PPM1E: variants seen among roughly 807,000 people sequenced by gnomAD.
The protein encoded by PPM1E is protein phosphatase, Mg2+/Mn2+ dependent 1E.
A neutral mutation model predicts 65.9 loss-of-function variants in PPM1E; 20 were observed. The observed-to-expected ratio is 0.30, with a 90% CI of 0.21 to 0.44. PPM1E has a LOEUF of 0.44. Ranked by LOEUF, PPM1E falls within the 20% of genes least tolerant of loss-of-function variation. PPM1E has a pLI of 1.00. For synonymous variants in PPM1E, 352 were observed against 374.9 expected (o/e 0.94, Z 0.70); for missense variants, 713 against 953.1 (o/e 0.75, Z 3.32).
chr17:58,855,477 T>C (rs1487994384), intron 1 of PPM1E, among the ~76,000 whole-genome samples: 2 of 152,182 alleles, frequency 1.3e-5, no homozygotes, highest in African/African-American at 4.8e-5. Context: ...TACTACCACG[T>C]TACTAAAGGC....
At chr17:58,830,600 C>G (rs1012151700) in intron 1 of PPM1E, among the ~76,000 whole-genome samples, 9 of 152,082 alleles carry the variant, frequency 5.9e-5, no homozygotes, top group Non-Finnish European at 1.2e-4. Context: ...ACCACTGCGC[C>G]CAGCCTTCAG....
chr17:58,832,890 T>C (rs1026785061), intron 1 of PPM1E, among the ~76,000 whole-genome samples: 3 of 152,156 alleles, frequency 2.0e-5, no homozygotes, highest in African/African-American at 7.2e-5. Flanking sequence ...CTTAGCTCAC[T>C]GCACCCTCGC....
At chr17:58,797,373 C>A (rs1397059765) in intron 1 of PPM1E, among the ~76,000 whole-genome samples, 1 of 152,168 alleles carries the variant, frequency 6.6e-6, no homozygotes, top group Non-Finnish European at 1.5e-5. Flanking sequence ...CTTTCCCAGT[C>A]AGTCTTCACC....
chr17:58,965,645 A>G (rs1341531730), intron 2 of PPM1E, 49 bp from the exon 3 acceptor site: 1 of 1,573,476 alleles, frequency 6.4e-7, no homozygotes. Flanking sequence ...AGAAGTGAAA[A>G]GCAGTTTTAC....
At chr17:58,853,542 G>T (rs938467571) in intron 1 of PPM1E, among the ~76,000 whole-genome samples, 1 of 152,158 alleles carries the variant, frequency 6.6e-6, no homozygotes, top group African/African-American at 2.4e-5. Context: ...AAATCAGAAA[G>T]TGTGGCTGGG....
intron 1 of PPM1E, among the ~76,000 whole-genome samples, chr17:58,854,301 A>T (rs1029513538): frequency 2.6e-5 from 4 of 151,918 alleles, no homozygotes; most frequent in African/African-American, 9.7e-5. Context: ...GTGTGTGTGT[A>T]TGTGTGTGTT....
chr17:58,923,911 C>CTTTTTTT (rs751578623), intron 1 of PPM1E, among the ~76,000 whole-genome samples: 1 of 64,810 alleles, frequency 1.5e-5, no homozygotes, highest in Non-Finnish European at 2.8e-5. Flanking sequence ...AAGACCCCCT[C>CTTTTTTT]TTTTTTTTTT....
At chr17:58,858,121 A>G (rs2050902528) in intron 1 of PPM1E, among the ~76,000 whole-genome samples, 1 of 152,078 alleles carries the variant, frequency 6.6e-6, no homozygotes, top group Admixed American at 6.5e-5. Flanking sequence ...CTTCCTTATA[A>G]AGCCAATGTT....
At chr17:58,830,982 A>C (rs1598598618) in intron 1 of PPM1E, among the ~76,000 whole-genome samples, 1 of 135,304 alleles carries the variant, frequency 7.4e-6, no homozygotes, top group African/African-American at 2.8e-5. Flanking sequence ...ACCCTACCTG[A>C]CCTGTATGTG....
At position 58,965,821 on chromosome 17, in the gene PPM1E, C is replaced by A; in HGVS notation, c.711C>A (p.Ile237=). ...ATTATGAGACATCAATCCATGCCAT[C>A]AAAAACATGCGCAGGAAAATGGAGG... ...QLYYETSIHA[I]KNMRRKMEDK... The change falls in exon 3 of 7, where the codon ATC becomes ATA. Residue 237 remains isoleucine, a synonymous_variant. Transcript: ENST00000308249. The A allele has an allele frequency of 1.9e-6, 3 of 1,614,152 alleles. No individual in the cohort carries two copies. Among genetic ancestry groups the A allele is most frequent in the Non-Finnish European group, 2.5e-6 (3 of 1,180,024 alleles).
intron 1 of PPM1E, among the ~76,000 whole-genome samples, chr17:58,892,498 A>G (rs750904303): frequency 1.3e-5 from 2 of 152,226 alleles, no homozygotes; most frequent in East Asian, 1.9e-4. Context: ...GCCTGAGCCC[A>G]ATAATTGGAG....
At chr17:58,776,077 A>G (rs1457230039) in intron 1 of PPM1E, among the ~76,000 whole-genome samples, 1 of 152,192 alleles carries the variant, frequency 6.6e-6, no homozygotes, top group African/African-American at 2.4e-5. Flanking sequence ...TGGCTCACGC[A>G]CTTTGGGAGG....
intron 1 of PPM1E, among the ~76,000 whole-genome samples, chr17:58,853,348 A>G (rs559170234): frequency 1.3e-5 from 2 of 152,284 alleles, no homozygotes; most frequent in African/African-American, 4.8e-5. Context: ...TTCCAGATCC[A>G]TTTGTTGAAA....
chr17:58,879,255 G>A (rs1176848064), intron 1 of PPM1E, among the ~76,000 whole-genome samples: 1 of 124,740 alleles, frequency 8.0e-6, no homozygotes, highest in East Asian at 2.1e-4. Flanking sequence ...AGGCTACTTG[G>A]AGTGCATTAT....
chr17:58,824,681 C>T (rs542249185), intron 1 of PPM1E, among the ~76,000 whole-genome samples: 16 of 151,492 alleles, frequency 1.1e-4, no homozygotes, highest in Non-Finnish European at 1.9e-4. Flanking sequence ...CTCCGTCTCC[C>T]GGGTTCACAC....
intron 1 of PPM1E, among the ~76,000 whole-genome samples, chr17:58,925,346 T>A (rs1428569571): frequency 2.0e-5 from 3 of 152,190 alleles, no homozygotes; most frequent in Admixed American, 6.5e-5. Flanking sequence ...GAGCCCTTTT[T>A]TCATACCTTT....
chr17:58,871,309 G>A (rs561622464), intron 1 of PPM1E, among the ~76,000 whole-genome samples: 6 of 152,070 alleles, frequency 3.9e-5, no homozygotes, highest in South Asian at 2.1e-4. Context: ...CAAAGTGCTG[G>A]GATTATAGGC....
chr17:58,819,577 G>T (rs915602037), intron 1 of PPM1E, among the ~76,000 whole-genome samples: 1 of 152,150 alleles, frequency 6.6e-6, no homozygotes, highest in Non-Finnish European at 1.5e-5. Flanking sequence ...AACAAAAGAG[G>T]TTTAATTGGC....
chr17:58,905,095 G>A (rs554313868), intron 1 of PPM1E, among the ~76,000 whole-genome samples: 20 of 151,758 alleles, frequency 1.3e-4, no homozygotes, highest in African/African-American at 4.8e-4. Context: ...TTCCTTGTTG[G>A]TTCTAGGGGT....
Sources: allele counts gnomAD v4.1 joint callset (sites outside exome capture counted in the v4.1 genomes callset), GRCh38; gene constraint gnomAD v4.1.1; transcripts MANE v1.5; gene names NCBI Gene and HGNC (gene_info 2026-07-23, HGNC 2026-07-21).